The following CDH4 variants were observed in gnomAD, a reference collection of about 807,000 sequenced individuals.
CDH4 encodes cadherin-4.
Under a neutral mutation model 86.0 loss-of-function variants are expected in CDH4, and 33 were observed. The observed-to-expected ratio is 0.38, with a 90% CI of 0.29 to 0.51. The LOEUF (loss-of-function observed/expected upper bound fraction) is 0.51, where lower values mean the gene tolerates loss of function less well. Among genes scored for constraint, CDH4 ranks in the 20% least tolerant of loss-of-function variants. The pLI, the probability that CDH4 is intolerant of heterozygous loss-of-function variation, is 0.86. For missense variants in CDH4, 1,114 were observed against 1,307.4 expected (o/e 0.85, Z 2.28); for synonymous variants, 555 against 549.4 (o/e 1.01, Z -0.14).
At chr20:61,648,732 C>T (rs1022182527) in intron 2 of CDH4, among the ~76,000 whole-genome samples, 4 of 152,154 alleles carry the variant, frequency 2.6e-5, no homozygotes, top group African/African-American at 4.8e-5. Context: ...CAAGTCAAAC[C>T]ACCACTCTGG....
chr20:61,906,312 G>T (rs2054787651), intron 8 of CDH4, among the ~76,000 whole-genome samples: 1 of 152,242 alleles, frequency 6.6e-6, no homozygotes, highest in South Asian at 2.1e-4. Context: ...ATGGGGTGTG[G>T]CTGGGTGTCA....
At chr20:61,806,650 G>A (rs1043935347) in intron 4 of CDH4, among the ~76,000 whole-genome samples, 1 of 152,218 alleles carries the variant, frequency 6.6e-6, no homozygotes, top group Non-Finnish European at 1.5e-5. Flanking sequence ...AATTGCTCAG[G>A]GGCTGCTGGA....
intron 2 of CDH4, among the ~76,000 whole-genome samples, chr20:61,659,091 G>A (rs1216951257): frequency 3.3e-5 from 5 of 152,162 alleles, no homozygotes; most frequent in Non-Finnish European, 5.9e-5. Context: ...GTTCACGGTC[G>A]TAGCACCCAG....
At chr20:61,861,234 A>T (rs1039294842) in intron 6 of CDH4, among the ~76,000 whole-genome samples, 1 of 152,128 alleles carries the variant, frequency 6.6e-6, no homozygotes, top group Non-Finnish European at 1.5e-5. Flanking sequence ...GGAAGGACAC[A>T]CCTTCCGCTG....
At chr20:61,696,353 G>T (rs970769623) in intron 2 of CDH4, among the ~76,000 whole-genome samples, 1 of 152,228 alleles carries the variant, frequency 6.6e-6, no homozygotes, top group Non-Finnish European at 1.5e-5. Flanking sequence ...TCTCCTGGGC[G>T]CAGGAGGAAC....
chr20:61,908,123 G>A (rs1489730871), intron 8 of CDH4, among the ~76,000 whole-genome samples: 1 of 152,174 alleles, frequency 6.6e-6, no homozygotes, highest in African/African-American at 2.4e-5. Context: ...CTGAGCTTTT[G>A]AAATACAGAG....
intron 8 of CDH4, among the ~76,000 whole-genome samples, chr20:61,900,770 C>A (rs1985359273): frequency 6.6e-6 from 1 of 152,134 alleles, no homozygotes; most frequent in South Asian, 2.1e-4. Context: ...GCCAGACTCC[C>A]CAGCTTCAAG....
intron 2 of CDH4, among the ~76,000 whole-genome samples, chr20:61,281,714 G>A (rs536983932): frequency 4.6e-5 from 7 of 152,332 alleles, no homozygotes; most frequent in South Asian, 2.1e-4. Context: ...TGACCACAAA[G>A]CAAACACCAA....
intron 2 of CDH4, among the ~76,000 whole-genome samples, chr20:61,283,366 G>A (rs1340246728): frequency 1.4e-5 from 2 of 148,044 alleles, no homozygotes; most frequent in East Asian, 4.0e-4. Context: ...GCTGTGGCGT[G>A]TGTGATGTGT....
intron 2 of CDH4, among the ~76,000 whole-genome samples, chr20:61,278,170 C>T (rs1021062935): frequency 6.6e-6 from 1 of 152,216 alleles, no homozygotes; most frequent in Non-Finnish European, 1.5e-5. Flanking sequence ...CTCATTGCTT[C>T]TCCTGCCAGC....
intron 2 of CDH4, among the ~76,000 whole-genome samples, chr20:61,522,330 G>C (rs987142095): frequency 4.6e-5 from 7 of 152,164 alleles, no homozygotes; most frequent in Non-Finnish European, 8.8e-5. Flanking sequence ...CCAAGGGATG[G>C]GGCCAGATTT....
At chr20:61,780,944 A>G (rs1311075449) in intron 4 of CDH4, among the ~76,000 whole-genome samples, 1 of 152,238 alleles carries the variant, frequency 6.6e-6, no homozygotes, top group East Asian at 1.9e-4. Context: ...GATAAATTCT[A>G]GAAAATACAT....
intron 14 of CDH4, among the ~76,000 whole-genome samples, 162 bp downstream of exon 14, chr20:61,933,286 T>G (rs1367720756): frequency 6.6e-6 from 1 of 152,240 alleles, no homozygotes; most frequent in African/African-American, 2.4e-5. Flanking sequence ...TGGGCTGAGC[T>G]GTGTACACTG....
chr20:61,361,114 G>A (rs1327412318), intron 2 of CDH4, among the ~76,000 whole-genome samples: 2 of 152,160 alleles, frequency 1.3e-5, no homozygotes, highest in South Asian at 2.1e-4. Context: ...GAGCGACGTG[G>A]AGACGACTTG....
intron 2 of CDH4, among the ~76,000 whole-genome samples, chr20:61,497,466 A>G (rs916906594): frequency 3.9e-5 from 6 of 152,164 alleles, no homozygotes; most frequent in Non-Finnish European, 8.8e-5. Context: ...TTGTTGTTAA[A>G]AAAAGAAAAA....
At chr20:61,918,835 TCA>T (rs2054935009) in intron 9 of CDH4, among the ~76,000 whole-genome samples, 1 of 152,152 alleles carries the variant, frequency 6.6e-6, no homozygotes, top group African/African-American at 2.4e-5. Context: ...AGCCACCGTC[TCA>T]GTTTTCCTTC....
intron 2 of CDH4, among the ~76,000 whole-genome samples, chr20:61,699,734 G>A (rs1052589148): frequency 2.7e-5 from 4 of 147,734 alleles, no homozygotes; most frequent in Non-Finnish European, 6.1e-5. Context: ...GAGTCTGAGC[G>A]GGAGCAGGCC....
chr20:61,649,716 A>C (rs1206027826), intron 2 of CDH4, among the ~76,000 whole-genome samples: 3 of 152,134 alleles, frequency 2.0e-5, no homozygotes, highest in Non-Finnish European at 4.4e-5. Context: ...GCTTGCAGGA[A>C]GCGTTTGTGT....
At chr20:61,293,400 G>A (rs1486911826) in intron 2 of CDH4, among the ~76,000 whole-genome samples, 1 of 152,138 alleles carries the variant, frequency 6.6e-6, no homozygotes, top group Non-Finnish European at 1.5e-5. Context: ...ACAGAGTCAC[G>A]TGACTACAGC....
Sources: allele counts gnomAD v4.1 joint callset (sites outside exome capture counted in the v4.1 genomes callset), GRCh38; gene constraint gnomAD v4.1.1; transcripts MANE v1.5; gene names NCBI Gene and HGNC (gene_info 2026-07-23, HGNC 2026-07-21).